The following ERBB4 variants were observed in gnomAD, a reference collection of about 807,000 sequenced individuals.
The protein encoded by ERBB4 is receptor tyrosine-protein kinase erbB-4.
ERBB4 carries 42 observed loss-of-function variants against 158.0 expected under a neutral mutation model. The ratio of observed to expected loss-of-function variants is 0.27; its 90% CI spans 0.21 to 0.34. The LOEUF (loss-of-function observed/expected upper bound fraction) is 0.34, where lower values mean the gene tolerates loss of function less well. Ranked by LOEUF, ERBB4 falls within the 10% of genes least tolerant of loss-of-function variation. ERBB4 has a pLI of 1.00. For missense variants in ERBB4, 1,333 were observed against 1,624.1 expected, an observed-to-expected ratio of 0.82 and a Z score of 3.08; for synonymous variants, 583 against 558.7, an observed-to-expected ratio of 1.04 and a Z score of -0.61.
chr2:212,249,477 A>C, intron 1 of ERBB4, among the ~76,000 whole-genome samples: 1 of 151,884 alleles, frequency 6.6e-6, no homozygotes, highest in African/African-American at 2.4e-5. Context: ...CTAGAGGGAA[A>C]AGCAAGCAGT....
At chr2:211,872,186 A>G (rs2078366007) in intron 3 of ERBB4, among the ~76,000 whole-genome samples, 1 of 152,244 alleles carries the variant, frequency 6.6e-6, no homozygotes, top group Non-Finnish European at 1.5e-5. Context: ...AGCCTTTCAC[A>G]TCATTAGTAC....
At chr2:211,636,982 T>C (rs2070386663) in intron 16 of ERBB4, among the ~76,000 whole-genome samples, 1 of 151,970 alleles carries the variant, frequency 6.6e-6, no homozygotes, top group Non-Finnish European at 1.5e-5. Context: ...TCTGGGAAAG[T>C]AAATTAATTA....
At chr2:212,420,494 T>G (rs2091767884) in intron 1 of ERBB4, among the ~76,000 whole-genome samples, 1 of 152,172 alleles carries the variant, frequency 6.6e-6, no homozygotes, top group Admixed American at 6.5e-5. Flanking sequence ...TTCAAAGTCA[T>G]GCATGTATTT....
intron 1 of ERBB4, among the ~76,000 whole-genome samples, chr2:212,203,067 C>T (rs1000717462): frequency 6.6e-6 from 1 of 151,810 alleles, no homozygotes; most frequent in South Asian, 2.1e-4. Flanking sequence ...GTGAACGAGT[C>T]AGAAATCTGT....
At chr2:212,324,137 T>C (rs2087705789) in intron 1 of ERBB4, among the ~76,000 whole-genome samples, 1 of 150,750 alleles carries the variant, frequency 6.6e-6, no homozygotes, top group African/African-American at 2.4e-5. Flanking sequence ...CACAGTTGCT[T>C]TCGGCAGCCG....
rs1020298126 is a variant in ERBB4, at chr2:212,113,366, G to T, written c.234+11386C>A. 6.2e-4 allele frequency among the ~76,000 whole-genome samples: 94 copies of T among 151,972 alleles called. 5 individuals carry two copies. Among genetic ancestry groups the T allele is most frequent in the Non-Finnish European group, 2.9e-5 (2 of 68,000 alleles). ...TGAGGAGGGTTGATCATGAGGTCAG[G>T]AGATCGAGACCATCCTGGCTAACAC... On this transcript the variant is annotated intron_variant, in intron 2 of 27. Coordinates refer to ENST00000342788, the MANE Select transcript of ERBB4 (RefSeq NM_005235.3).
rs558843297 is a variant in ERBB4 at position 211,901,287 on chromosome 2, T to A, written c.421+46143A>T. 3.3e-5 allele frequency among the ~76,000 whole-genome samples: 5 copies of A among 152,270 alleles called. No homozygotes were observed. The East Asian group carries it at 5.8e-4, about 18-fold the overall frequency. ...CCTGTAATGGCATTTGCTCTCTTTT[T>A]AAATAGAAATTACATTCAATAAATG... On this transcript the variant is annotated intron_variant, in intron 3 of 27. Coordinates refer to ENST00000342788, the MANE Select transcript of ERBB4 (RefSeq NM_005235.3).
At chr2:212,258,194 C>G (rs1264856766) in intron 1 of ERBB4, among the ~76,000 whole-genome samples, 1 of 151,890 alleles carries the variant, frequency 6.6e-6, no homozygotes, top group Non-Finnish European at 1.5e-5. Context: ...TCTGAATACC[C>G]TAAAAGTATT....
intron 12 of ERBB4, among the ~76,000 whole-genome samples, chr2:211,691,202 A>C (rs1403486778): frequency 6.6e-6 from 1 of 152,132 alleles, no homozygotes; most frequent in East Asian, 1.9e-4. Flanking sequence ...TTAAACCCTT[A>C]CTCTGTAATT....
intron 1 of ERBB4, among the ~76,000 whole-genome samples, chr2:212,364,870 A>T (rs2089825311): frequency 2.7e-5 from 4 of 150,746 alleles, no homozygotes; most frequent in African/African-American, 9.8e-5. Context: ...CTGAGTTAGG[A>T]AGCTGTAACA....
intron 25 of ERBB4, among the ~76,000 whole-genome samples, chr2:211,401,587 T>TAGGAAATATTTGAACTCTC (rs1328728796): frequency 6.6e-6 from 1 of 152,090 alleles, no homozygotes; most frequent in Non-Finnish European, 1.5e-5. Context: ...TGTAGTCATG[T>TAGGAAATATTTGAACTCTC]AGGAAATATT....
At chr2:211,836,698 G>T (rs566198891) in intron 3 of ERBB4, among the ~76,000 whole-genome samples, 4 of 152,128 alleles carry the variant, frequency 2.6e-5, no homozygotes, top group Non-Finnish European at 5.9e-5. Flanking sequence ...AATCTTGCAA[G>T]CAAGCCCTTC....
intron 20 of ERBB4, among the ~76,000 whole-genome samples, chr2:211,494,797 C>T (rs1173162985): frequency 1.3e-5 from 2 of 152,126 alleles, no homozygotes. Flanking sequence ...TTTCAGAGGG[C>T]AGCTGTTCAT....
At chr2:212,316,251 G>C (rs1327126033) in intron 1 of ERBB4, among the ~76,000 whole-genome samples, 1 of 151,250 alleles carries the variant, frequency 6.6e-6, no homozygotes, top group African/African-American at 2.4e-5. Context: ...ATGGTGCACT[G>C]TAAGAGTCAC....
At chr2:212,276,508 T>C (rs1420909918) in intron 1 of ERBB4, among the ~76,000 whole-genome samples, 3 of 151,708 alleles carry the variant, frequency 2.0e-5, no homozygotes, top group Admixed American at 1.3e-4. Flanking sequence ...AGCTTCCCCA[T>C]GGAAACCAGT....
chr2:211,877,565 T>C (rs1575299800), intron 3 of ERBB4, among the ~76,000 whole-genome samples: 2 of 137,404 alleles, frequency 1.5e-5, no homozygotes, highest in Non-Finnish European at 1.7e-5. Context: ...CTTTAAAATG[T>C]CTTTTTTTTT....
At chr2:212,515,507 A>T (rs1691773282) in intron 1 of ERBB4, among the ~76,000 whole-genome samples, 1 of 152,060 alleles carries the variant, frequency 6.6e-6, no homozygotes. Flanking sequence ...ACTATAAAAC[A>T]GATATTTTAA....
chr2:211,510,270 A>G (rs1299474974), intron 20 of ERBB4, among the ~76,000 whole-genome samples: 1 of 152,142 alleles, frequency 6.6e-6, no homozygotes, highest in South Asian at 2.1e-4. Flanking sequence ...ATGGGTACTC[A>G]TGCACATAAA....
chr2:211,921,264 C>G (rs1423561939), intron 3 of ERBB4, among the ~76,000 whole-genome samples: 2 of 151,956 alleles, frequency 1.3e-5, no homozygotes, highest in African/African-American at 4.8e-5. Context: ...CCCTCTCTTT[C>G]TTGTCATTAA....
Sources: allele counts gnomAD v4.1 joint callset (sites outside exome capture counted in the v4.1 genomes callset), GRCh38; gene constraint gnomAD v4.1.1; transcripts MANE v1.5; gene names NCBI Gene and HGNC (gene_info 2026-07-23, HGNC 2026-07-21).